GPLD1: variants seen among roughly 807,000 people sequenced by gnomAD.
GPLD1 encodes the protein phosphatidylinositol-glycan-specific phospholipase D.
In GPLD1, 84 loss-of-function variants were observed where a neutral mutation model predicts 112.6. The observed-to-expected ratio is 0.75, with a 90% CI of 0.63 to 0.89. The LOEUF is 0.89. Ranked by LOEUF, GPLD1 falls within the 40% of genes least tolerant of loss-of-function variation. The pLI is 0.00. For missense variants in GPLD1, 1,044 were observed against 1,051.5 expected (o/e 0.99, Z 0.10); for synonymous variants, 386 against 403.8 (o/e 0.96, Z 0.53).
At chr6:24,482,535 C>A (rs1158044396) in intron 2 of GPLD1, among the ~76,000 whole-genome samples, 1 of 152,102 alleles carries the variant, frequency 6.6e-6, no homozygotes, top group East Asian at 1.9e-4. Flanking sequence ...CCTGCCTTGG[C>A]CTTCCAGAGT....
At chr6:24,477,638 G>A (rs1024395263) in intron 3 of GPLD1, among the ~76,000 whole-genome samples, 1 of 152,096 alleles carries the variant, frequency 6.6e-6, no homozygotes, top group Non-Finnish European at 1.5e-5. Context: ...GCTGAGGCAG[G>A]AGGGTTGCTT....
intron 18 of GPLD1, 78 bp downstream of exon 18, chr6:24,446,760 C>G: frequency 1.4e-6 from 2 of 1,383,932 alleles, no homozygotes; most frequent in Non-Finnish European, 2.0e-6. Context: ...TTTCCCTCAG[C>G]CTCATGCTCA....
At chr6:24,425,781 T>C (rs1379794619), downstream of GPLD1, 1 of 152,230 alleles carries the variant, frequency 6.6e-6, no homozygotes, top group Non-Finnish European at 1.5e-5. Flanking sequence ...TGAGCACAAT[T>C]ATTAACACCT....
chr6:24,433,443 T>TTAAA, intron 22 of GPLD1, 54 bp from the exon 23 acceptor site: 1 of 1,297,966 alleles, frequency 7.7e-7, no homozygotes, highest in East Asian at 2.3e-5. Context: ...GTGTGGCTTT[T>TTAAA]TAAAATCAAT....
intron 1 of GPLD1, 25 bp downstream of exon 1, chr6:24,489,390 A>G: frequency 1.4e-6 from 2 of 1,477,242 alleles, no homozygotes; most frequent in Non-Finnish European, 1.9e-6. Context: ...TCCTCTCAAC[A>G]ACATAACAAG....
Position 24,446,850 on chromosome 6 carries a change from T to G in GPLD1, c.1808A>C (p.Lys603Thr). 1 of 1,613,766 alleles carries G rather than the reference T, an allele frequency of 6.2e-7. No homozygotes were observed. Among genetic ancestry groups the G allele is most frequent in the South Asian group, 1.1e-5 (1 of 91,006 alleles). ...TLLLVGSPTWKNASRLGHLLH... is the reference protein window; with the variant it reads ...TLLLVGSPTWTNASRLGHLLH... The stretch of plus-strand genomic sequence containing the variant: ...GCATCAGCCTCACCTGCTGGCATTC[T>G]TCCAGGTCGGGCTCCCAACCAACAG... Residue 603 changes from lysine to threonine, a missense_variant, in exon 18 of 25, where the codon AAG becomes ACG. Transcript: ENST00000230036.
chr6:24,475,713 C>T (rs1387923738), intron 4 of GPLD1, among the ~76,000 whole-genome samples: 14 of 148,678 alleles, frequency 9.4e-5, no homozygotes, highest in African/African-American at 3.6e-4. Flanking sequence ...AAAAAATTAG[C>T]CGGGCGTGGT....
At chr6:24,436,534 G>C in intron 22 of GPLD1, 42 bp downstream of exon 22, 1 of 1,552,938 alleles carries the variant, frequency 6.4e-7, no homozygotes, top group Non-Finnish European at 8.9e-7. Flanking sequence ...AGCAATTAGT[G>C]ATCCTTTCCC....
rs763949923 is a variant in GPLD1, at chr6:24,473,644, T to C, written c.465A>G (p.Ser155=). ...MGAIDFHGSY[S]EAHSAGDFGG... is the part of the protein sequence containing the mutation. ...CAAAATCACCAGCCGAATGAGCCTC[T>C]GAATAGGAGCCGTGAAAATCAATCT... is the stretch of plus-strand genomic sequence containing the variant. Residue 155 remains serine (S), a synonymous_variant, in exon 6 of 25, where the codon TCA becomes TCG. Transcript: ENST00000230036. 6.2e-7 allele frequency: 1 copy of C among 1,609,124 alleles called. No individual in the cohort carries two copies. The highest frequency in any genetic ancestry group is 1.3e-5 in the African/African-American group (1 of 74,784).
upstream of GPLD1, among the ~76,000 whole-genome samples, chr6:24,491,064 C>T (rs1486554202): frequency 1.3e-5 from 2 of 152,214 alleles, no homozygotes; most frequent in East Asian, 3.8e-4. Flanking sequence ...GAACTGGCAT[C>T]ATGAACTGAC....
intron 7 of GPLD1, among the ~76,000 whole-genome samples, chr6:24,470,099 T>TAC (rs1348865155): frequency 6.6e-6 from 1 of 151,678 alleles, no homozygotes; most frequent in African/African-American, 2.4e-5. Context: ...TGCCACACCC[T>TAC]ACACGTTAGG....
At chr6:24,476,039 T>G (rs891502119) in intron 4 of GPLD1, 142 bp downstream of exon 4, 1 of 565,606 alleles carries the variant, frequency 1.8e-6, no homozygotes, top group Non-Finnish European at 3.2e-6. Context: ...CCATCTACTA[T>G]GTCCAAGCAA....
chr6:24,475,272 T>C, intron 4 of GPLD1, 41 bp from the exon 5 acceptor site: 1 of 999,648 alleles, frequency 1.0e-6, no homozygotes, highest in Non-Finnish European at 1.6e-6. Context: ...GTTTGGGTGA[T>C]TTTATAATAA....
chr6:24,443,836 A>T (rs187372578), intron 20 of GPLD1, among the ~76,000 whole-genome samples: 40 of 151,730 alleles, frequency 2.6e-4, no homozygotes, highest in African/African-American at 9.4e-4. Flanking sequence ...ATGCCTGGCT[A>T]ATTTGTGTAT....
Position 24,439,225 on chromosome 6 carries a change from C to T in GPLD1, c.2021-1936G>A, listed in dbSNP as rs187471678. 1.6e-3 allele frequency among the ~76,000 whole-genome samples: 247 copies of T among 152,344 alleles called. 1 individual carries two copies. The highest frequency in any genetic ancestry group is 0.01 in the Middle Eastern group (3 of 294). ...GGATACCTGAGGCTTCTCCCTCTGG[C>T]TCTGCCGCCCACAGGATGAACACTG... On this transcript the variant is annotated intron_variant, in intron 20 of 24. Coordinates refer to ENST00000230036, the MANE Select transcript of GPLD1 (RefSeq NM_001503.4).
chr6:24,469,584 C>A (rs1471143988), intron 7 of GPLD1, among the ~76,000 whole-genome samples: 1 of 109,292 alleles, frequency 9.1e-6, no homozygotes, highest in African/African-American at 3.6e-5. Flanking sequence ...ACAATGAGAT[C>A]ACATGGACAC....
At position 24,489,454 on chromosome 6, in the gene GPLD1, T is replaced by G. The variant is rs371612046; in HGVS notation, c.58A>C (p.Arg20=). The G allele has an allele frequency of 6.2e-7, 1 of 1,613,982 alleles. No individual in the cohort carries two copies. The highest frequency in any genetic ancestry group is 1.7e-5 in the Admixed American group (1 of 60,020). ...GTTGAAAGGCCACACGGTGAACCTC[T>G]ATGGCAGAGAGAACCCAACATGATC... ...LLIMLGSLCH[R]GSPCGLSTHV... is the part of the protein sequence containing the mutation. Residue 20 remains arginine (R), a synonymous_variant, in exon 1 of 25, where the codon AGA becomes CGA. Transcript: ENST00000230036.
At chr6:24,452,302 G>A (rs935650078) in intron 14 of GPLD1, among the ~76,000 whole-genome samples, 1 of 152,188 alleles carries the variant, frequency 6.6e-6, no homozygotes, top group Non-Finnish European at 1.5e-5. Flanking sequence ...GAAGCAACAA[G>A]ATTAGATAAA....
chr6:24,449,934 G>C, intron 14 of GPLD1, 35 bp from the exon 15 acceptor site: 1 of 1,461,550 alleles, frequency 6.8e-7, no homozygotes, highest in Non-Finnish European at 9.4e-7. Flanking sequence ...CCTGGGCTGA[G>C]CCACGGCCTC....
Sources: gnomAD v4.1 joint callset for allele counts (sites outside exome capture counted in the v4.1 genomes callset) on GRCh38, gnomAD v4.1.1 for gene constraint, MANE v1.5 for transcripts, NCBI Gene and HGNC (gene_info 2026-07-23, HGNC 2026-07-21) for gene names.